The following OR2L13 variants were observed in gnomAD, a reference collection of about 807,000 sequenced individuals.
OR2L13 encodes the protein olfactory receptor family 2 subfamily L member 13, also known as olfactory receptor 2L13.
A neutral mutation model predicts 15.3 loss-of-function variants in OR2L13; 14 were observed. The ratio of observed to expected loss-of-function variants is 0.91; its 90% CI spans 0.60 to 1.43. The LOEUF (loss-of-function observed/expected upper bound fraction) is 1.43. Ranked by LOEUF, OR2L13 falls within the 40% of genes most tolerant of loss-of-function variation. The probability of loss-of-function intolerance (pLI) is 0.00; values close to 1 mark genes in which losing one functional copy is unlikely to be tolerated. For synonymous variants in OR2L13, 152 were observed against 142.9 expected (o/e 1.06, Z -0.45); for missense variants, 367 against 387.9 (o/e 0.95, Z 0.45).
At chr1:247,953,349 T>G in the OR2L13 span, among the ~76,000 whole-genome samples, 1 of 152,202 alleles carries the variant, frequency 6.6e-6, no homozygotes, top group Non-Finnish European at 1.5e-5. Flanking sequence ...GACTAGGAGA[T>G]GCAAATTTTA....
the OR2L13 span, among the ~76,000 whole-genome samples, chr1:248,036,237 T>C: frequency 6.6e-6 from 1 of 152,148 alleles, no homozygotes; most frequent in African/African-American, 2.4e-5. Context: ...TCTCTTCTAA[T>C]CTTTTCAGTT....
the OR2L13 span, among the ~76,000 whole-genome samples, chr1:248,044,095 A>C: frequency 2.6e-5 from 4 of 152,078 alleles, no homozygotes; most frequent in East Asian, 7.7e-4. Flanking sequence ...AGGAATACCA[A>C]ACTTTCTGGG....
the OR2L13 span, among the ~76,000 whole-genome samples, chr1:248,005,554 C>T: frequency 8.1e-4 from 123 of 152,120 alleles, no homozygotes; most frequent in African/African-American, 2.8e-3. Flanking sequence ...CCATACGAAT[C>T]GTAGAATGGT....
chr1:247,997,094 A>G, the OR2L13 span: 1 of 152,226 alleles, frequency 6.6e-6, no homozygotes, highest in Non-Finnish European at 1.5e-5. Flanking sequence ...TGACTAGCCT[A>G]TGCATATCAA....
At chr1:248,038,237 C>A in the OR2L13 span, 1 of 1,444,426 alleles carries the variant, frequency 6.9e-7, no homozygotes, top group Non-Finnish European at 9.6e-7. Context: ...ACCCTTTTGT[C>A]TCCCTTCAGG....
chr1:248,041,059 G>T, the OR2L13 span: 1 of 152,152 alleles, frequency 6.6e-6, no homozygotes, highest in Non-Finnish European at 1.5e-5. Flanking sequence ...GTATGAGAAT[G>T]TCATAATAAT....
the OR2L13 span, among the ~76,000 whole-genome samples, chr1:247,967,873 C>G: frequency 2.0e-5 from 3 of 151,738 alleles, no homozygotes; most frequent in Admixed American, 6.6e-5. Flanking sequence ...CCTTCTCCTC[C>G]TCGTCCTTCC....
At chr1:248,066,161 T>C in the OR2L13 span, among the ~76,000 whole-genome samples, 1 of 152,270 alleles carries the variant, frequency 6.6e-6, no homozygotes, top group East Asian at 1.9e-4. Context: ...CTTATCATTC[T>C]TTGTCTAAAA....
At chr1:248,099,996 T>C in exon 3 of OR2L13, 2 of 1,614,206 alleles carry the variant, frequency 1.2e-6, no homozygotes, top group Non-Finnish European at 1.7e-6. Flanking sequence ...TCTTTCTCCT[T>C]TTCCCTTTCA....
At chr1:248,005,945 T>C in the OR2L13 span, among the ~76,000 whole-genome samples, 1 of 152,176 alleles carries the variant, frequency 6.6e-6, no homozygotes, top group South Asian at 2.1e-4. Context: ...TTTTATTTGG[T>C]GATGATTTAC....
the OR2L13 span, chr1:247,990,950 A>C: frequency 5.4e-6 from 8 of 1,470,802 alleles, no homozygotes; most frequent in Non-Finnish European, 7.6e-6. Flanking sequence ...TACCACATGC[A>C]CTCTGCAGAA....
At chr1:248,019,954 A>T in the OR2L13 span, among the ~76,000 whole-genome samples, 5 of 151,938 alleles carry the variant, frequency 3.3e-5, no homozygotes, top group African/African-American at 7.3e-5. Context: ...CCCCTGGCTA[A>T]TTTTTGTATT....
chr1:247,952,694 G>A, the OR2L13 span, among the ~76,000 whole-genome samples: 2 of 152,168 alleles, frequency 1.3e-5, no homozygotes. Flanking sequence ...GTCTAAGAAT[G>A]TCTGCTGTTT....
At chr1:248,059,709 A>C in the OR2L13 span, among the ~76,000 whole-genome samples, 1 of 152,226 alleles carries the variant, frequency 6.6e-6, no homozygotes. Context: ...AAGTTTCTCA[A>C]AATAGCAGAG....
the OR2L13 span, among the ~76,000 whole-genome samples, chr1:248,068,897 A>C: frequency 6.6e-6 from 1 of 152,206 alleles, no homozygotes; most frequent in East Asian, 1.9e-4. Flanking sequence ...AAATGAATGA[A>C]ATGAAGTGAG....
At chr1:247,941,536 G>C in the OR2L13 span, among the ~76,000 whole-genome samples, 1 of 152,106 alleles carries the variant, frequency 6.6e-6, no homozygotes, top group East Asian at 1.9e-4. Flanking sequence ...AAATAGACAT[G>C]GAAGATGAAA....
At chr1:247,962,721 A>G in the OR2L13 span, among the ~76,000 whole-genome samples, 2 of 152,160 alleles carry the variant, frequency 1.3e-5, no homozygotes, top group Non-Finnish European at 2.9e-5. Flanking sequence ...GTATCTTCCC[A>G]GGTAGTTTTA....
the OR2L13 span, among the ~76,000 whole-genome samples, chr1:248,051,738 C>T: frequency 9.9e-5 from 15 of 151,970 alleles, no homozygotes; most frequent in South Asian, 1.2e-3. Flanking sequence ...AAAAAAAAAT[C>T]CAAAAATGTC....
At chr1:248,031,337 C>T in the OR2L13 span, among the ~76,000 whole-genome samples, 6 of 152,278 alleles carry the variant, frequency 3.9e-5, no homozygotes, top group East Asian at 5.8e-4. Flanking sequence ...ATTGTAACAT[C>T]GCAGAACACA....
Sources: allele counts gnomAD v4.1 joint callset (sites outside exome capture counted in the v4.1 genomes callset), GRCh38; gene constraint gnomAD v4.1.1; transcripts MANE v1.5; gene names NCBI Gene and HGNC (gene_info 2026-07-23, HGNC 2026-07-21).